The following ROR1 variants were observed in gnomAD, a reference collection of about 807,000 sequenced individuals.
The protein encoded by ROR1 is ROR family WNT receptor 1, also known as inactive tyrosine-protein kinase transmembrane receptor ROR1.
A neutral mutation model predicts 78.8 loss-of-function variants in ROR1; 19 were observed. That is an observed-to-expected ratio of 0.24 (90% CI 0.17 to 0.35). The LOEUF (loss-of-function observed/expected upper bound fraction) is 0.35. Ranked by LOEUF, ROR1 falls within the 10% of genes least tolerant of loss-of-function variation. The pLI, the probability that ROR1 is intolerant of heterozygous loss-of-function variation, is 1.00. For missense variants in ROR1, 917 were observed against 1,177.8 expected, an observed-to-expected ratio of 0.78 and a Z score of 3.24; for synonymous variants, 386 against 433.6, an observed-to-expected ratio of 0.89 and a Z score of 1.36.
At chr1:64,080,141 C>T (rs1354617500) in intron 4 of ROR1, among the ~76,000 whole-genome samples, 1 of 152,080 alleles carries the variant, frequency 6.6e-6, no homozygotes, top group Non-Finnish European at 1.5e-5. Flanking sequence ...TTTCATTTGC[C>T]CCCTGCATTT....
At chr1:63,974,741 A>G (rs1416590436) in intron 1 of ROR1, among the ~76,000 whole-genome samples, 1 of 152,152 alleles carries the variant, frequency 6.6e-6, no homozygotes, top group African/African-American at 2.4e-5. Flanking sequence ...GGGCTCAAGC[A>G]ATCCTCCTGC....
intron 2 of ROR1, among the ~76,000 whole-genome samples, chr1:64,016,257 A>G (rs12093619): frequency 0.038 from 5,771 of 152,208 alleles, 387 homozygotes; most frequent in African/African-American, 0.13. Flanking sequence ...CTACCCACCT[A>G]TGTCTATTGA....
At chr1:64,008,051 T>G (rs1646443775) in intron 1 of ROR1, among the ~76,000 whole-genome samples, 1 of 151,878 alleles carries the variant, frequency 6.6e-6, no homozygotes, top group African/African-American at 2.4e-5. Context: ...ATCCTGAGGT[T>G]TGGGCTTCCA....
chr1:63,999,246 A>G (rs1322906045), intron 1 of ROR1, among the ~76,000 whole-genome samples: 1 of 152,216 alleles, frequency 6.6e-6, no homozygotes, highest in African/African-American at 2.4e-5. Context: ...CGTGATTATG[A>G]CAGGTGAAGA....
At chr1:63,986,593 CT>C (rs1339650746) in intron 1 of ROR1, among the ~76,000 whole-genome samples, 2 of 152,130 alleles carry the variant, frequency 1.3e-5, no homozygotes, top group Non-Finnish European at 2.9e-5. Flanking sequence ...CCCAGGAGTT[CT>C]TAGAAAAGTG....
intron 1 of ROR1, among the ~76,000 whole-genome samples, chr1:63,839,349 T>C (rs1364560829): frequency 4.3e-4 from 5 of 11,586 alleles, no homozygotes; most frequent in African/African-American, 1.7e-3. Context: ...CCATATCATC[T>C]ATCTATCTAT....
chr1:63,829,171 A>C (rs544945489), intron 1 of ROR1, among the ~76,000 whole-genome samples: 1 of 152,270 alleles, frequency 6.6e-6, no homozygotes, highest in Admixed American at 6.5e-5. Context: ...TAGCTAATGC[A>C]TTTGCTCCCT....
chr1:63,820,055 A>G (rs934167543), intron 1 of ROR1, among the ~76,000 whole-genome samples: 8 of 152,226 alleles, frequency 5.3e-5, no homozygotes, highest in Non-Finnish European at 2.9e-5. Context: ...TCTTTTAATA[A>G]GGCAAAGGTG....
At chr1:64,004,284 A>G (rs1646410662) in intron 1 of ROR1, among the ~76,000 whole-genome samples, 1 of 152,222 alleles carries the variant, frequency 6.6e-6, no homozygotes, top group Admixed American at 6.5e-5. Context: ...GTACCTGTAA[A>G]CACAACAATA....
chr1:64,042,376 A>G (rs1287783208), intron 2 of ROR1, among the ~76,000 whole-genome samples: 1 of 152,124 alleles, frequency 6.6e-6, no homozygotes, highest in Admixed American at 6.5e-5. Context: ...CCCATTTCAC[A>G]TTTGAGGAAA....
intron 4 of ROR1, among the ~76,000 whole-genome samples, chr1:64,072,807 C>T (rs535249392): frequency 4.2e-4 from 64 of 152,184 alleles, no homozygotes; most frequent in Non-Finnish European, 8.8e-4. Flanking sequence ...GGAGGGGCTT[C>T]GTGGATAGTA....
chr1:64,137,021 C>CA (rs952010722), intron 4 of ROR1, among the ~76,000 whole-genome samples: 2 of 152,110 alleles, frequency 1.3e-5, no homozygotes, highest in African/African-American at 4.8e-5. Flanking sequence ...GCTTAAAAAA[C>CA]AAAAAACTGT....
intron 1 of ROR1, among the ~76,000 whole-genome samples, chr1:63,948,232 T>G (rs919936138): frequency 6.6e-6 from 1 of 152,172 alleles, no homozygotes; most frequent in Non-Finnish European, 1.5e-5. Context: ...CACATTTCTA[T>G]TTTATGTAGA....
At chr1:64,056,134 A>G (rs1646872323) in intron 4 of ROR1, among the ~76,000 whole-genome samples, 1 of 152,170 alleles carries the variant, frequency 6.6e-6, no homozygotes, top group African/African-American at 2.4e-5. Context: ...TAATGCTGCC[A>G]TGACCATTCA....
intron 1 of ROR1, among the ~76,000 whole-genome samples, chr1:63,811,960 GTT>G (rs568040372): frequency 1.1e-4 from 14 of 124,010 alleles, no homozygotes; most frequent in Admixed American, 2.4e-4. Context: ...AACCAGAGGT[GTT>G]TTTTTTTTTT....
chr1:63,889,584 C>T (rs532563955), intron 1 of ROR1, among the ~76,000 whole-genome samples: 51 of 152,208 alleles, frequency 3.4e-4, no homozygotes, highest in African/African-American at 1.1e-3. Flanking sequence ...AGGGTGCCCC[C>T]GGATGGCTGT....
In ROR1 at chr1:64,009,579, T is replaced by C. The variant is rs563766624; in HGVS notation, c.163+203T>C. On this transcript the variant is annotated intron_variant, in intron 2 of 8. Coordinates refer to ENST00000371079, the MANE Select transcript of ROR1 (RefSeq NM_005012.4). Reference sequence around the variant, plus strand: ...TTTCTGGAGAGTTTCTTTCCCCCCCTCGTTCCTTTTTCTTCTTCCTCTAAA... The same window carrying C: ...TTTCTGGAGAGTTTCTTTCCCCCCCCCGTTCCTTTTTCTTCTTCCTCTAAA... 8.0e-4 allele frequency among the ~76,000 whole-genome samples: 121 copies of C among 151,862 alleles called. 2 individuals carry two copies. The highest frequency in any genetic ancestry group is 2.9e-3 in the African/African-American group (120 of 41,154).
intron 1 of ROR1, among the ~76,000 whole-genome samples, chr1:63,777,060 T>C (rs1179404633): frequency 3.9e-5 from 6 of 152,184 alleles, no homozygotes; most frequent in Admixed American, 3.9e-4. Flanking sequence ...AAGAAAACCT[T>C]TAAATTTATT....
At chr1:64,104,618 CA>C (rs1298203743) in intron 4 of ROR1, among the ~76,000 whole-genome samples, 1 of 152,084 alleles carries the variant, frequency 6.6e-6, no homozygotes, top group Non-Finnish European at 1.5e-5. Context: ...CCCTCACCCC[CA>C]CCCTTCAATA....
Sources: gnomAD v4.1 joint callset for allele counts (sites outside exome capture counted in the v4.1 genomes callset) on GRCh38, gnomAD v4.1.1 for gene constraint, MANE v1.5 for transcripts, NCBI Gene and HGNC (gene_info 2026-07-23, HGNC 2026-07-21) for gene names.